Variants in SRC observed in about 807,000 individuals in gnomAD.
SRC encodes proto-oncogene tyrosine-protein kinase Src.
SRC carries 13 observed loss-of-function variants against 62.9 expected under a neutral mutation model. That is an observed-to-expected ratio of 0.21 (90% CI 0.13 to 0.33). The LOEUF (loss-of-function observed/expected upper bound fraction) is 0.33. Ranked by LOEUF, SRC falls within the 10% of genes least tolerant of loss-of-function variation. The pLI is 1.00. For missense variants in SRC, 457 were observed against 737.3 expected (o/e 0.62, Z 4.40); for synonymous variants, 302 against 317.5 (o/e 0.95, Z 0.52).
rs1335925310 is a variant in SRC, at chr20:37,348,673, A to G, written c.-247+2418A>G. On this transcript the variant is annotated intron_variant, in intron 1 of 13. Transcript: ENST00000373578. ...TGGGGTGTGGTCAGCCTGGTTGGAT[A>G]CTTGCTGGGGAGCTGGGAACAGGTC... is the stretch of plus-strand genomic sequence containing the variant. Among the ~76,000 whole-genome samples the G allele has an allele frequency of 2.0e-5, 3 of 151,994 alleles. No individual in the cohort carries two copies. In the East Asian group the frequency reaches 5.8e-4, roughly 29 times the overall value.
At chr20:37,385,389 C>T (rs1395446310) in intron 4 of SRC, among the ~76,000 whole-genome samples, 3 of 152,212 alleles carry the variant, frequency 2.0e-5, no homozygotes, top group African/African-American at 4.8e-5. Flanking sequence ...GCCAGGGCTC[C>T]TCTGCTGCCC....
intron 1 of SRC, among the ~76,000 whole-genome samples, chr20:37,354,726 C>T (rs961029065): frequency 2.0e-5 from 3 of 152,184 alleles, no homozygotes; most frequent in Non-Finnish European, 4.4e-5. Flanking sequence ...CCAATCCCCA[C>T]CAGGCCTTCT....
At chr20:37,390,458 T>C (rs151140040) in intron 5 of SRC, among the ~76,000 whole-genome samples, 3,384 of 138,040 alleles carry the variant, frequency 0.025, 55 homozygotes, top group Middle Eastern at 0.039. Context: ...AGTGCAGTGG[T>C]GCGATCTTGG....
At chr20:37,365,887 A>AT (rs879519652) in intron 2 of SRC, among the ~76,000 whole-genome samples, 116 of 145,504 alleles carry the variant, frequency 8.0e-4, no homozygotes, top group Middle Eastern at 3.6e-3. Flanking sequence ...CCTGGCCAGA[A>AT]TTTTTTTTTT....
chr20:37,396,043 T>C lies in SRC; in HGVS notation c.554-119T>C. The stretch of plus-strand genomic sequence containing the variant: ...TGGCTGTTGAGAGACAGGGTGGGCC[T>C]GGGGCCCCGCCTGGGCCTCCCTTCC... On this transcript the variant is annotated intron_variant, in intron 7 of 13. Transcript: ENST00000373578. This position sits in a 1 kb window ranked among gnomAD's most constrained non-coding sequence, Gnocchi z 6.1. 1 of 1,451,954 alleles carries C rather than the reference T, an allele frequency of 6.9e-7. No homozygotes were observed. 89.9% of individuals were successfully genotyped at this position (1,451,954 alleles called of 1,614,324 possible).
intron 2 of SRC, among the ~76,000 whole-genome samples, chr20:37,366,197 T>C (rs1392739843): frequency 6.6e-6 from 1 of 152,176 alleles, no homozygotes; most frequent in Non-Finnish European, 1.5e-5. Flanking sequence ...GGGTGTGTAA[T>C]TGTGATAGGT....
chr20:37,360,063 T>A (rs540419897), intron 1 of SRC, among the ~76,000 whole-genome samples: 29 of 152,186 alleles, frequency 1.9e-4, no homozygotes, highest in African/African-American at 6.7e-4. Context: ...TCCTATCTTG[T>A]GTCATTTTAG....
rs1032091094 is a variant in SRC at position 37,351,201 on chromosome 20, T to C, written c.-247+4946T>C. The stretch of plus-strand genomic sequence containing the variant: ...CCAACTTTGGTCCATTTGGTCCTTC[T>C]TCTCCCTTAGAACTACCCAGAGAAG... On this transcript the variant is annotated intron_variant, in intron 1 of 13. Transcript: ENST00000373578. This position sits in a 1 kb window ranked among gnomAD's most constrained non-coding sequence, Gnocchi z 4.4. 2.0e-5 allele frequency among the ~76,000 whole-genome samples: 3 copies of C among 152,214 alleles called. No individual in the cohort carries two copies. Among genetic ancestry groups the C allele is most frequent in the African/African-American group, 7.2e-5 (3 of 41,442 alleles).
In SRC at chr20:37,397,580, G is replaced by A; in HGVS notation, c.704-119G>A. 7.4e-7 allele frequency: 1 copy of A among 1,355,752 alleles called. No individual in the cohort carries two copies. The allele number at this position is 1,355,752 out of a possible 1,614,324, so 84.0% of individuals were successfully genotyped here. A position where few individuals can be genotyped will look rare whatever the true frequency, so the allele number is the denominator to read the frequency against. ...CAGATGTAGATGCCTGGCTTTGAGG[G>A]CACCCTGCGTGTCCCCTGAAATCTG... On this transcript the variant is annotated intron_variant, in intron 8 of 13. Coordinates refer to ENST00000373578, the MANE Select transcript of SRC (RefSeq NM_198291.3). The surrounding 1 kb of genome is among the most constrained non-coding windows in gnomAD (Gnocchi z 4.1).
intron 2 of SRC, among the ~76,000 whole-genome samples, chr20:37,365,591 T>G (rs1207517475): frequency 6.7e-6 from 1 of 149,606 alleles, no homozygotes; most frequent in Non-Finnish European, 1.5e-5. Flanking sequence ...TGCAAAGAAT[T>G]TTTTTTTTTT....
chr20:37,354,782 G>A (rs559590492), intron 1 of SRC, among the ~76,000 whole-genome samples: 5 of 152,328 alleles, frequency 3.3e-5, no homozygotes, highest in East Asian at 1.9e-4. Context: ...ACATCACTGC[G>A]TCTGCCTGCC....
chr20:37,394,873 G>A (rs771734576), intron 7 of SRC, among the ~76,000 whole-genome samples: 2 of 152,144 alleles, frequency 1.3e-5, no homozygotes, highest in African/African-American at 2.4e-5. Context: ...ACGAGCAGTC[G>A]TGCAGCCATG....
intron 2 of SRC, among the ~76,000 whole-genome samples, chr20:37,373,113 C>T (rs1600979853): frequency 6.6e-6 from 1 of 150,744 alleles, no homozygotes; most frequent in African/African-American, 2.4e-5. Flanking sequence ...CATATATGTA[C>T]ACACACATAT....
upstream of SRC, among the ~76,000 whole-genome samples, chr20:37,345,998 T>C (rs1303099638): frequency 1.3e-5 from 2 of 149,292 alleles, no homozygotes; most frequent in African/African-American, 5.0e-5. Context: ...GCTTCCTCCT[T>C]CCTCCTCCTC....
Position 37,404,734 on chromosome 20 carries a change from G to C in SRC, c.*1355G>C. On this transcript the variant is annotated 3_prime_UTR_variant, in exon 14 of 14. Transcript: ENST00000373578. ...CCAGGCCCTGTGGCAGGACACACAT[G>C]GTGAGCCTAGCCCTGGGACATCAGG... 1 of 233,426 alleles carries C rather than the reference G, an allele frequency of 4.3e-6. No individual in the cohort carries two copies. Among genetic ancestry groups the C allele is most frequent in the Non-Finnish European group, 8.5e-6 (1 of 118,098 alleles). The allele number at this position is 233,426 out of a possible 1,614,324, so 14.5% of individuals were successfully genotyped here. A position where few individuals can be genotyped will look rare whatever the true frequency, so the allele number is the denominator to read the frequency against.
chr20:37,360,760 A>G (rs2069957232), intron 1 of SRC, among the ~76,000 whole-genome samples: 1 of 152,140 alleles, frequency 6.6e-6, no homozygotes, highest in South Asian at 2.1e-4. Context: ...GATAGCAAAC[A>G]CTTAGGGCAC....
chr20:37,394,208 G>C lies in SRC; in HGVS notation c.484G>C (p.Glu162Gln), dbSNP rs1368749598. 6.2e-7 allele frequency: 1 copy of C among 1,614,070 alleles called. No homozygotes were observed. The highest frequency in any genetic ancestry group is 1.7e-5 in the Admixed American group (1 of 60,034). ...TGGCAAGATCACCAGACGGGAGTCA[G>C]AGCGGTTACTGCTCAATGCAGAGAA... ...YFGKITRRES[E>Q]RLLLNAENPR... Residue 162 changes from glutamate (E) to glutamine (Q), a missense_variant, in exon 7 of 14, where the codon GAG (glutamate) becomes CAG (glutamine). Around this residue, in one of 4 missense-constraint regions of SRC, gnomAD observed 141 missense variants for 198.4 expected, o/e 0.71. Coordinates refer to ENST00000373578, the MANE Select transcript of SRC (RefSeq NM_198291.3).
chr20:37,385,910 A>G (rs546091203), intron 4 of SRC, among the ~76,000 whole-genome samples, 165 bp from the exon 5 acceptor site: 17 of 152,360 alleles, frequency 1.1e-4, no homozygotes, highest in African/African-American at 3.1e-4. Flanking sequence ...ACACGGATGC[A>G]GTGGACACGT....
intron 1 of SRC, among the ~76,000 whole-genome samples, chr20:37,353,473 C>T (rs185249111): frequency 6.6e-6 from 1 of 152,252 alleles, no homozygotes; most frequent in East Asian, 1.9e-4. Flanking sequence ...CCTCCCACTT[C>T]TGAAGGGAGG....
Sources: gnomAD v4.1 joint callset for allele counts (sites outside exome capture counted in the v4.1 genomes callset) on GRCh38, gnomAD v4.1.1 for gene constraint, gnomAD v4.1.1 regional missense constraint, Gnocchi (gnomAD v3.1) non-coding constraint, MANE v1.5 for transcripts, NCBI Gene and HGNC (gene_info 2026-07-23, HGNC 2026-07-21) for gene names.